The following UBA2 variants were observed in gnomAD, a reference collection of about 807,000 sequenced individuals.
The protein encoded by UBA2 is SUMO-activating enzyme subunit 2.
A neutral mutation model predicts 77.2 loss-of-function variants in UBA2; 11 were observed. The ratio of observed to expected loss-of-function variants is 0.14; its 90% CI spans 0.09 to 0.24. UBA2 has a LOEUF of 0.24. Among genes scored for constraint, UBA2 ranks in the 10% least tolerant of loss-of-function variants. The probability of loss-of-function intolerance (pLI) is 1.00; values close to 1 mark genes in which losing one functional copy is unlikely to be tolerated. For missense variants in UBA2, 487 were observed against 781.7 expected (o/e 0.62, Z 4.50); for synonymous variants, 278 against 276.7 (o/e 1.00, Z -0.05).
At chr19:34,468,701 T>C (rs2075711639) in intron 16 of UBA2, among the ~76,000 whole-genome samples, 1 of 152,238 alleles carries the variant, frequency 6.6e-6, no homozygotes, top group Non-Finnish European at 1.5e-5. Flanking sequence ...TTGTAAGTGC[T>C]GTATTGTTGT....
intron 8 of UBA2, among the ~76,000 whole-genome samples, chr19:34,450,057 C>T (rs2075475619): frequency 6.6e-6 from 1 of 152,198 alleles, no homozygotes. Flanking sequence ...CCTCAGAGCA[C>T]TTCTGCATTT....
At chr19:34,440,307 C>CA (rs60873964) in intron 6 of UBA2, among the ~76,000 whole-genome samples, 17,310 of 90,164 alleles carry the variant, frequency 0.19, 1,250 homozygotes, top group African/African-American at 0.3. Context: ...GATGATGTTT[C>CA]AAAAAAAAAA....
chr19:34,457,522 A>G (rs1173371690), intron 12 of UBA2, among the ~76,000 whole-genome samples: 1 of 152,102 alleles, frequency 6.6e-6, no homozygotes, highest in Non-Finnish European at 1.5e-5. Flanking sequence ...GTGAAGCCCA[A>G]AATCAAACAA....
chr19:34,451,614 C>CT (rs2075499201), intron 9 of UBA2, among the ~76,000 whole-genome samples: 1 of 120,014 alleles, frequency 8.3e-6, no homozygotes. Flanking sequence ...GTGGCGCGAT[C>CT]TTGGCTCACT....
chr19:34,455,854 C>G (rs956692474), intron 12 of UBA2, among the ~76,000 whole-genome samples: 1 of 151,954 alleles, frequency 6.6e-6, no homozygotes, highest in Admixed American at 6.6e-5. Context: ...GTTGGTTAGG[C>G]TGGTCTCGAA....
At chr19:34,436,353 GCAGTGGCGCGA>G (rs1329559369) in intron 5 of UBA2, among the ~76,000 whole-genome samples, 4 of 152,034 alleles carry the variant, frequency 2.6e-5, no homozygotes, top group Non-Finnish European at 5.9e-5. Context: ...AGGCTGCAGT[GCAGTGGCGCGA>G]TCTCAGCTCG....
At chr19:34,443,994 A>C (rs2075398084) in intron 7 of UBA2, 83 bp downstream of exon 7, 3 of 885,216 alleles carry the variant, frequency 3.4e-6, no homozygotes, top group Non-Finnish European at 5.6e-6. Flanking sequence ...TAAGGGAAAA[A>C]AATTGCTATA....
chr19:34,445,995 G>A (rs2075426047), intron 8 of UBA2, among the ~76,000 whole-genome samples: 2 of 152,072 alleles, frequency 1.3e-5, no homozygotes, highest in South Asian at 2.1e-4. Context: ...TCCCTAGCAA[G>A]TTGTACGTGT....
At chr19:34,457,199 T>A (rs1343335738) in intron 12 of UBA2, among the ~76,000 whole-genome samples, 3 of 129,414 alleles carry the variant, frequency 2.3e-5, no homozygotes, top group Non-Finnish European at 3.2e-5. Context: ...TATATATATA[T>A]ATATATATAT....
chr19:34,430,810 G>A, intron 2 of UBA2, 151 bp downstream of exon 2: 2 of 590,382 alleles, frequency 3.4e-6, no homozygotes, highest in East Asian at 2.8e-5. Flanking sequence ...ATCAAGTAAA[G>A]GACTAAAGAT....
intron 9 of UBA2, 122 bp from the exon 10 acceptor site, chr19:34,451,854 ATTATT>A (rs1403802531): frequency 1.8e-6 from 1 of 549,454 alleles, no homozygotes; most frequent in Non-Finnish European, 2.9e-6. Flanking sequence ...CCCCATGATA[ATTATT>A]TTAATGGAAT....
intron 8 of UBA2, among the ~76,000 whole-genome samples, chr19:34,445,910 TA>T (rs1187320521): frequency 7.2e-5 from 11 of 152,226 alleles, no homozygotes; most frequent in Non-Finnish European, 1.6e-4. Flanking sequence ...AAATTGTTTT[TA>T]TTGGGTCTAC....
At chr19:34,449,559 G>T (rs867013855) in intron 8 of UBA2, among the ~76,000 whole-genome samples, 1 of 152,086 alleles carries the variant, frequency 6.6e-6, no homozygotes, top group Non-Finnish European at 1.5e-5. Context: ...CAATAAATGT[G>T]TTGAATAAAT....
chr19:34,467,149 A>G, intron 16 of UBA2, 135 bp downstream of exon 16: 1 of 1,085,194 alleles, frequency 9.2e-7, no homozygotes, highest in African/African-American at 1.6e-5. Flanking sequence ...GATTGTTGTA[A>G]TGGAGCTTTG....
intron 12 of UBA2, among the ~76,000 whole-genome samples, chr19:34,457,179 A>AAAAATATATATATATATATATATATATAT (rs1262007864): frequency 1.9e-5 from 1 of 53,220 alleles, no homozygotes; most frequent in Non-Finnish European, 3.0e-5. Flanking sequence ...AAAAAAAAAA[A>AAAAATATATATATATATATATATATATAT]ATATATATAT....
chr19:34,428,927 G>C, intron 1 of UBA2: 3 of 994,666 alleles, frequency 3.0e-6, no homozygotes, highest in Non-Finnish European at 3.6e-6. Context: ...AGTCCCTCGC[G>C]GATGTTGTGA....
At chr19:34,462,556 T>C (rs1272838330) in intron 14 of UBA2, among the ~76,000 whole-genome samples, 1 of 152,134 alleles carries the variant, frequency 6.6e-6, no homozygotes, top group Admixed American at 6.5e-5. Flanking sequence ...GGAGAAACTG[T>C]TAGTATTTTC....
intron 5 of UBA2, among the ~76,000 whole-genome samples, chr19:34,437,250 C>T (rs1022035073): frequency 2.6e-5 from 4 of 151,018 alleles, no homozygotes; most frequent in African/African-American, 4.9e-5. Context: ...GTATGAGCCA[C>T]CACGCCCGGC....
chr19:34,460,321 C>T (rs556361946), intron 13 of UBA2, 149 bp from the exon 14 acceptor site: 1 of 615,708 alleles, frequency 1.6e-6, no homozygotes, highest in South Asian at 2.1e-5. Context: ...CCACGGCTTT[C>T]CTGCTTGCTC....
Sources: allele counts gnomAD v4.1 joint callset (sites outside exome capture counted in the v4.1 genomes callset), GRCh38; gene constraint gnomAD v4.1.1; transcripts MANE v1.5; gene names NCBI Gene and HGNC (gene_info 2026-07-23, HGNC 2026-07-21).